Variants in IBTK observed in about 807,000 individuals in gnomAD.
The protein encoded by IBTK is inhibitor of Bruton tyrosine kinase.
A neutral mutation model predicts 154.9 loss-of-function variants in IBTK; 83 were observed. That is an observed-to-expected ratio of 0.54 (90% CI 0.45 to 0.64). The LOEUF (loss-of-function observed/expected upper bound fraction) is 0.64, where lower values mean the gene tolerates loss of function less well. Among genes scored for constraint, IBTK ranks in the 30% least tolerant of loss-of-function variants. The pLI, the probability that IBTK is intolerant of heterozygous loss-of-function variation, is 0.00. For missense variants in IBTK, 1,332 were observed against 1,584.6 expected (o/e 0.84, Z 2.71); for synonymous variants, 515 against 536.1 (o/e 0.96, Z 0.54).
In IBTK at chr6:82,194,582, G is replaced by A; in HGVS notation, c.3235C>T (p.Pro1079Ser). ...SPVYSREDLK[P>S]WEKSPILKIS... Reference sequence around the variant, plus strand: ...TTAAGTATTGGTGACTTTTCCCATGGTTTTAAATCTTCCCTAGAATACACA... The same window carrying A: ...TTAAGTATTGGTGACTTTTCCCATGATTTTAAATCTTCCCTAGAATACACA... The change falls in exon 23 of 29, where the codon CCA (proline) becomes TCA (serine). Residue 1079 changes from proline to serine, a missense_variant. Pro to Ser is a moderately conservative substitution (Grantham distance 74). Around this residue, in one of 3 missense-constraint regions of IBTK, gnomAD observed 1,134 missense variants for 1,274.7 expected, o/e 0.89. Transcript: ENST00000306270. 1 of 1,611,686 alleles carries A rather than the reference G, an allele frequency of 6.2e-7. No individual in the cohort carries two copies. The highest frequency in any genetic ancestry group is 8.5e-7 in the Non-Finnish European group (1 of 1,178,716).
chr6:82,199,696 C>T (rs1447161510), intron 21 of IBTK, among the ~76,000 whole-genome samples: 1 of 152,108 alleles, frequency 6.6e-6, no homozygotes, highest in East Asian at 1.9e-4. Context: ...TGTTTTAAAT[C>T]ATCAACAGCC....
At chr6:82,181,857 A>C (rs1178137136) in intron 26 of IBTK, 22 bp downstream of exon 26, 2 of 1,470,674 alleles carry the variant, frequency 1.4e-6, no homozygotes, top group Admixed American at 4.7e-5. Context: ...AAAATGTATT[A>C]GTTTTAAGTT....
chr6:82,207,687 CA>C (rs1308629576), intron 16 of IBTK, among the ~76,000 whole-genome samples: 2 of 152,122 alleles, frequency 1.3e-5, no homozygotes, highest in Non-Finnish European at 2.9e-5. Context: ...TCACAACTTA[CA>C]ACAAAGCAAT....
At chr6:82,173,295 C>G in intron 27 of IBTK, 72 bp downstream of exon 27, 3 of 1,121,416 alleles carry the variant, frequency 2.7e-6, no homozygotes, top group Non-Finnish European at 4.0e-6. Context: ...AGCCACTGCA[C>G]TCAGCCTTAA....
chr6:82,246,774 G>A (rs893987606), intron 1 of IBTK, among the ~76,000 whole-genome samples: 7 of 152,174 alleles, frequency 4.6e-5, no homozygotes, highest in Non-Finnish European at 1.0e-4. Context: ...GAGGGGGCTG[G>A]CAAGCCTGTG....
At chr6:82,221,850 T>C (rs1269137014) in intron 8 of IBTK, among the ~76,000 whole-genome samples, 1 of 152,154 alleles carries the variant, frequency 6.6e-6, no homozygotes, top group South Asian at 2.1e-4. Flanking sequence ...ATCACTAAAA[T>C]ATAACCTAAA....
chr6:82,200,588 A>C lies in IBTK; in HGVS notation c.2911T>G (p.Ser971Ala). 6.4e-7 allele frequency: 1 copy of C among 1,551,702 alleles called. No individual in the cohort carries two copies. Among genetic ancestry groups the C allele is most frequent in the Non-Finnish European group, 8.7e-7 (1 of 1,155,288 alleles). Residue 971 changes from serine to alanine, a missense_variant and splice_region_variant, in exon 20 of 29, where the codon TCG becomes GCG. Transcript: ENST00000306270. Reference sequence around the variant, plus strand: ...AAAAAAAAAAAGAAAACAGCTTACGAATGATTTTGTTCCATATTTATTTCT... The same window carrying C: ...AAAAAAAAAAAGAAAACAGCTTACGCATGATTTTGTTCCATATTTATTTCT... ...KEEINMEQNH[S>A]ETMFKKAKTK...
intron 10 of IBTK, 33 bp from the exon 11 acceptor site, chr6:82,216,283 G>A: frequency 1.5e-6 from 2 of 1,367,420 alleles, no homozygotes; most frequent in South Asian, 1.3e-5. Context: ...CATTAATCAA[G>A]GCTTTACTGA....
Position 82,210,897 on chromosome 6 carries a change from G to T in IBTK, c.2426C>A (p.Ala809Glu), listed in dbSNP as rs1220578176. 3 of 1,558,236 alleles carry T rather than the reference G, an allele frequency of 1.9e-6. No homozygotes were observed. Among genetic ancestry groups the T allele is most frequent in the South Asian group, 2.4e-5 (2 of 82,520 alleles). ...AGAATGTATTGGCATTTCCAGAGCT[G>T]CACAACTGGAAGCCTAAATAAAATA... ...SSSWIEASSC[A>E]ALEMPIHSDI... The change falls in exon 16 of 29, where the codon GCA (alanine) becomes GAA (glutamate). Residue 809 changes from alanine (A) to glutamate (E), a missense_variant. Ala to Glu is a moderately radical substitution (Grantham distance 107, BLOSUM62 -1). This residue lies in a region of IBTK where 1,134 missense variants were observed against 1,274.7 expected (regional missense o/e 0.89). Coordinates refer to ENST00000306270, the MANE Select transcript of IBTK (RefSeq NM_015525.4).
At chr6:82,222,624 T>C (rs1770139898) in intron 8 of IBTK, among the ~76,000 whole-genome samples, 1 of 152,212 alleles carries the variant, frequency 6.6e-6, no homozygotes, top group African/African-American at 2.4e-5. Context: ...GTATTAAAAA[T>C]GTACAATTCT....
Position 82,223,597 on chromosome 6 carries a change from C to T in IBTK, c.967G>A (p.Glu323Lys), listed in dbSNP as rs1324062998. Residue 323 changes from glutamate (E) to lysine (K), a missense_variant, in exon 8 of 29, where the codon GAA becomes AAA. Physicochemically the swap from Glu to Lys is moderately conservative, Grantham distance 56 (BLOSUM62 1). Coordinates refer to ENST00000306270, the MANE Select transcript of IBTK (RefSeq NM_015525.4). ...TGACGAGGAGCAGTTACACACTTTTCTCCATTGGGATCTAGCAAACAACCT... is the reference window on the plus strand; with the variant it reads ...TGACGAGGAGCAGTTACACACTTTTTTCCATTGGGATCTAGCAAACAACCT... ...QLGCLLDPNG[E>K]KCVTAPRQVS... is the part of the protein sequence containing the mutation. 6.2e-7 allele frequency: 1 copy of T among 1,612,978 alleles called. No individual in the cohort carries two copies. Among genetic ancestry groups the T allele is most frequent in the South Asian group, 1.1e-5 (1 of 90,716 alleles).
At position 82,200,260 on chromosome 6, in the gene IBTK, A is replaced by G; in HGVS notation, c.2913-7T>C. On this transcript the variant is annotated splice_polypyrimidine_tract_variant and splice_region_variant and intron_variant, in intron 20 of 28. Transcript: ENST00000306270. ...TTTCTTGAACATAGTTTCCCTAGGA[A>G]AAAGCAAACATAATTTCAGCAGTGT... is the stretch of plus-strand genomic sequence containing the variant. The G allele has an allele frequency of 6.3e-7, 1 of 1,588,610 alleles. No homozygotes were observed. Among genetic ancestry groups the G allele is most frequent in the South Asian group, 1.1e-5 (1 of 90,358 alleles).
At chr6:82,234,294 T>C (rs1162268302) in intron 2 of IBTK, 39 bp from the exon 3 acceptor site, 3 of 729,230 alleles carry the variant, frequency 4.1e-6, no homozygotes, top group African/African-American at 3.8e-5. Flanking sequence ...AATATATATA[T>C]ATTATTAATT....
intron 3 of IBTK, among the ~76,000 whole-genome samples, chr6:82,232,437 C>T (rs1770544716): frequency 6.6e-6 from 1 of 152,140 alleles, no homozygotes; most frequent in African/African-American, 2.4e-5. Context: ...GGGTAAAGCC[C>T]ATTAAACTGG....
chr6:82,238,462 G>A (rs1378910578), intron 2 of IBTK, among the ~76,000 whole-genome samples: 5 of 151,442 alleles, frequency 3.3e-5, no homozygotes, highest in Non-Finnish European at 7.4e-5. Context: ...TTTTGAGATG[G>A]AGTCGTCCTC....
At chr6:82,219,084 T>C (rs995011430) in intron 9 of IBTK, among the ~76,000 whole-genome samples, 1 of 152,166 alleles carries the variant, frequency 6.6e-6, no homozygotes, top group African/African-American at 2.4e-5. Context: ...ATTTGTTTCC[T>C]TCCACTAGTA....
At chr6:82,199,731 C>T (rs1451001772) in intron 21 of IBTK, among the ~76,000 whole-genome samples, 1 of 152,156 alleles carries the variant, frequency 6.6e-6, no homozygotes, top group Non-Finnish European at 1.5e-5. Flanking sequence ...GAATAAAACA[C>T]AAATTCCTTA....
intron 17 of IBTK, among the ~76,000 whole-genome samples, chr6:82,203,535 G>A (rs371145121): frequency 6.6e-6 from 1 of 152,256 alleles, no homozygotes; most frequent in East Asian, 1.9e-4. Context: ...GATGAACAGA[G>A]AAATTGAAGA....
At chr6:82,237,391 A>ATAGAAGAT (rs1770755269) in intron 2 of IBTK, among the ~76,000 whole-genome samples, 2 of 152,210 alleles carry the variant, frequency 1.3e-5, no homozygotes, top group Non-Finnish European at 2.9e-5. Flanking sequence ...TATAAGAGGA[A>ATAGAAGAT]TCTTCTCTAC....
Sources: gnomAD v4.1 joint callset for allele counts (sites outside exome capture counted in the v4.1 genomes callset) on GRCh38, gnomAD v4.1.1 for gene constraint, gnomAD v4.1.1 regional missense constraint, MANE v1.5 for transcripts, NCBI Gene and HGNC (gene_info 2026-07-23, HGNC 2026-07-21) for gene names.